Variants in TMCO1 observed in about 807,000 individuals in gnomAD.
TMCO1 encodes the protein transmembrane and coiled-coil domains 1.
A neutral mutation model predicts 29.3 loss-of-function variants in TMCO1; 29 were observed. The ratio of observed to expected loss-of-function variants is 0.99; its 90% CI spans 0.74 to 1.35. TMCO1 has a LOEUF of 1.35. Ranked by LOEUF, TMCO1 falls within the 40% of genes most tolerant of loss-of-function variation. TMCO1 has a pLI of 0.00. For missense variants in TMCO1, 173 were observed against 225.5 expected (o/e 0.77, Z 1.49); for synonymous variants, 80 against 77.1 (o/e 1.04, Z -0.20).
intron 3 of TMCO1, among the ~76,000 whole-genome samples, chr1:165,756,988 A>G (rs78046359): frequency 0.034 from 5,189 of 152,238 alleles, 304 homozygotes; most frequent in African/African-American, 0.12. Flanking sequence ...GGAGATGAAC[A>G]CCAAATGAGC....
At position 165,743,224 on chromosome 1, in the gene TMCO1, G is replaced by A. The variant is rs1651665715; in HGVS notation, c.411C>T (p.Asp137=). The A allele has an allele frequency of 1.2e-6, 2 of 1,613,786 alleles. No homozygotes were observed. Among genetic ancestry groups the A allele is most frequent in the South Asian group, 1.1e-5 (1 of 91,070 alleles). ...GLSHRNLLGD[D]TTDCSFIFLY... ...GGAAAATGAAGGAACAGTCTGTGGT[G>A]TCATCTCCCAGCAGATTTCGATGAG... Residue 137 remains aspartate (D), a synonymous_variant, in exon 6 of 7, where the codon GAC becomes GAT. Coordinates refer to ENST00000367881, the MANE Select transcript of TMCO1 (RefSeq NM_019026.6).
downstream of TMCO1, chr1:165,724,596 C>G (rs1650776152): frequency 2.2e-6 from 1 of 453,958 alleles, no homozygotes; most frequent in Non-Finnish European, 4.4e-6. Flanking sequence ...GGGTGGGGCC[C>G]AGCAGTTTGT....
intron 6 of TMCO1, among the ~76,000 whole-genome samples, chr1:165,735,956 C>T (rs866475688): frequency 6.6e-6 from 1 of 152,282 alleles, no homozygotes; most frequent in South Asian, 2.1e-4. Context: ...ATGTTTGTTT[C>T]CCTTACAAAT....
chr1:165,736,999 A>G (rs970600501), intron 6 of TMCO1, among the ~76,000 whole-genome samples: 39 of 151,880 alleles, frequency 2.6e-4, no homozygotes, highest in African/African-American at 9.2e-4. Context: ...TAGAGATGAG[A>G]TTTTGCTCTG....
chr1:165,744,613 A>C (rs1162037707), intron 5 of TMCO1, among the ~76,000 whole-genome samples: 2 of 152,026 alleles, frequency 1.3e-5, no homozygotes, highest in African/African-American at 4.8e-5. Flanking sequence ...CAACATGGAG[A>C]AACCCCGTGT....
At chr1:165,759,692 C>T in intron 2 of TMCO1, 108 bp from the exon 3 acceptor site, 1 of 886,646 alleles carries the variant, frequency 1.1e-6, no homozygotes, top group Non-Finnish European at 1.8e-6. Context: ...GAAAGTTACA[C>T]ACTGACTGAT....
chr1:165,755,322 G>A (rs1361111534), intron 3 of TMCO1, among the ~76,000 whole-genome samples: 1 of 152,104 alleles, frequency 6.6e-6, no homozygotes, highest in African/African-American at 2.4e-5. Context: ...TAGAATGAGT[G>A]TATAAATTCA....
intron 2 of TMCO1, among the ~76,000 whole-genome samples, chr1:165,761,169 ATTTGTGTGTGTGTG>A (rs1558042201): frequency 7.2e-6 from 1 of 138,230 alleles, no homozygotes; most frequent in African/African-American, 2.5e-5. Context: ...TGTTTTGTGT[ATTTGTGTGTGTGTG>A]TGTGTGTGTG....
rs142286088 is a variant in TMCO1 at position 165,728,504 on chromosome 1, C to T, written c.469-383G>A. Among the ~76,000 whole-genome samples, 715 of 152,164 alleles carry T rather than the reference C, an allele frequency of 4.7e-3. 33 individuals carry two copies. The East Asian group carries it at 0.08, about 17-fold the overall frequency. On this transcript the variant is annotated intron_variant, in intron 6 of 6. Coordinates refer to ENST00000367881, the MANE Select transcript of TMCO1 (RefSeq NM_019026.6). Reference sequence around the variant, plus strand: ...ATCTCCTGACCTCATGATCTGCCCACCTCGGCCTCCCAAAGTGCTGGGATT... The same window carrying T: ...ATCTCCTGACCTCATGATCTGCCCATCTCGGCCTCCCAAAGTGCTGGGATT...
At position 165,768,629 on chromosome 1, in the gene TMCO1, G is replaced by A. The variant is rs1261999239; in HGVS notation, c.70+53C>T. On this transcript the variant is annotated intron_variant, in intron 1 of 6. Transcript: ENST00000367881. ...TTCCCCTGGTGGCACAGGGGACCCC[G>A]GGGCCCTTCCTCCCGGGGACTGATC... 2.5e-6 allele frequency: 4 copies of A among 1,613,230 alleles called. 1 individual carries two copies. The highest frequency in any genetic ancestry group is 3.3e-5 in the Admixed American group (2 of 59,960).
At chr1:165,767,758 T>A (rs1228057088) in intron 2 of TMCO1, among the ~76,000 whole-genome samples, 1 of 152,162 alleles carries the variant, frequency 6.6e-6, no homozygotes, top group Admixed American at 6.5e-5. Context: ...TGGCCCACTG[T>A]AGCCTCAATC....
At chr1:165,730,546 G>A (rs1054480110) in intron 6 of TMCO1, among the ~76,000 whole-genome samples, 1 of 152,076 alleles carries the variant, frequency 6.6e-6, no homozygotes, top group African/African-American at 2.4e-5. Flanking sequence ...AAAATCAATC[G>A]TTAGTACATT....
intron 6 of TMCO1, among the ~76,000 whole-genome samples, chr1:165,733,695 A>C (rs1321493396): frequency 1.3e-5 from 2 of 152,242 alleles, no homozygotes; most frequent in Admixed American, 1.3e-4. Context: ...AATGCAAAAT[A>C]TAGTAAGATG....
At chr1:165,752,572 T>A (rs370356320) in intron 4 of TMCO1, among the ~76,000 whole-genome samples, 64 of 151,488 alleles carry the variant, frequency 4.2e-4, no homozygotes, top group African/African-American at 1.4e-3. Context: ...ATTTTTTTTT[T>A]AAATCTCCGT....
chr1:165,729,791 G>A (rs1040129795), intron 6 of TMCO1, among the ~76,000 whole-genome samples: 1 of 152,008 alleles, frequency 6.6e-6, no homozygotes, highest in African/African-American at 2.4e-5. Context: ...GTTGTGTTTC[G>A]ACCCTTAATC....
chr1:165,724,540 T>C (rs935969931), downstream of TMCO1: 15 of 453,996 alleles, frequency 3.3e-5, no homozygotes, highest in Admixed American at 1.4e-4. Context: ...TTGTTAGAGA[T>C]GCAAATTCCC....
chr1:165,746,246 T>A (rs1571220309), intron 5 of TMCO1, among the ~76,000 whole-genome samples: 1 of 147,470 alleles, frequency 6.8e-6, no homozygotes, highest in Non-Finnish European at 1.5e-5. Flanking sequence ...GAGGCGGAGG[T>A]CGTAGTGAGC....
rs1247167874 is a variant in TMCO1, at chr1:165,726,975, T to C, written c.*1048A>G. 2.2e-6 allele frequency: 1 copy of C among 453,980 alleles called. No homozygotes were observed. Among genetic ancestry groups the C allele is most frequent in the African/African-American group, 2.0e-5 (1 of 50,010 alleles). 28.1% of individuals were successfully genotyped at this position (453,980 alleles called of 1,614,324 possible). On this transcript the variant is annotated 3_prime_UTR_variant, in exon 7 of 7. Transcript: ENST00000367881. Reference sequence around the variant, plus strand: ...TGATTACCTTGAAAATTATGTGTTTTTTCTCACTGGTAGAATACTCACATT... The same window carrying C: ...TGATTACCTTGAAAATTATGTGTTTCTTCTCACTGGTAGAATACTCACATT...
chr1:165,750,702 C>T (rs1310016516), intron 5 of TMCO1, among the ~76,000 whole-genome samples: 1 of 152,122 alleles, frequency 6.6e-6, no homozygotes, highest in Non-Finnish European at 1.5e-5. Flanking sequence ...TACAAAACAA[C>T]CATTCTTCTG....
Sources: allele counts gnomAD v4.1 joint callset (sites outside exome capture counted in the v4.1 genomes callset), GRCh38; gene constraint gnomAD v4.1.1; transcripts MANE v1.5; gene names NCBI Gene and HGNC (gene_info 2026-07-23, HGNC 2026-07-21).